Variants in NWD2 observed in about 807,000 individuals in gnomAD.
NWD2 encodes the protein NACHT and WD repeat domain containing 2.
Under a neutral mutation model 132.7 loss-of-function variants are expected in NWD2, and 37 were observed. That is an observed-to-expected ratio of 0.28 (90% CI 0.21 to 0.37). NWD2 has a LOEUF of 0.37. Among genes scored for constraint, NWD2 ranks in the 10% least tolerant of loss-of-function variants. The pLI is 1.00. For synonymous variants in NWD2, 705 were observed against 803.0 expected (o/e 0.88, Z 2.06); for missense variants, 1,592 against 2,122.4 (o/e 0.75, Z 4.91).
chr4:37,407,722 G>T, intron 3 of NWD2, among the ~76,000 whole-genome samples: 1 of 152,232 alleles, frequency 6.6e-6, no homozygotes, highest in Non-Finnish European at 1.5e-5. Flanking sequence ...GTTAAATTAA[G>T]AAATTATCCT....
intron 1 of NWD2, among the ~76,000 whole-genome samples, chr4:37,276,309 G>A (rs1718011773): frequency 6.6e-6 from 1 of 152,144 alleles, no homozygotes; most frequent in Admixed American, 6.5e-5. Flanking sequence ...CTCAAAAGAA[G>A]ACATTTATGC....
chr4:37,426,334 A>G (rs530031077), intron 3 of NWD2, among the ~76,000 whole-genome samples: 1 of 152,342 alleles, frequency 6.6e-6, no homozygotes, highest in South Asian at 2.1e-4. Flanking sequence ...GTAAGGGAGA[A>G]CAATCCAATA....
intron 1 of NWD2, among the ~76,000 whole-genome samples, chr4:37,277,810 G>A (rs1718052648): frequency 6.6e-6 from 1 of 151,930 alleles, no homozygotes; most frequent in African/African-American, 2.4e-5. Context: ...GGTCATTCTA[G>A]TTAACATATT....
At chr4:37,247,217 T>C (rs1717261900) in intron 1 of NWD2, among the ~76,000 whole-genome samples, 1 of 152,196 alleles carries the variant, frequency 6.6e-6, no homozygotes, top group African/African-American at 2.4e-5. Flanking sequence ...AAAAGACAGA[T>C]GGGCATTTTT....
intron 1 of NWD2, among the ~76,000 whole-genome samples, chr4:37,286,239 T>G (rs1289156430): frequency 1.3e-5 from 2 of 152,268 alleles, no homozygotes; most frequent in Non-Finnish European, 2.9e-5. Flanking sequence ...TCATCCTTAC[T>G]TTCTTAGCAC....
chr4:37,437,906 T>A (rs1293085448), intron 5 of NWD2, among the ~76,000 whole-genome samples: 1 of 152,214 alleles, frequency 6.6e-6, no homozygotes, highest in Admixed American at 6.5e-5. Context: ...ATGGATATTA[T>A]AACAGTGACA....
At chr4:37,277,658 C>CA (rs1553890419) in intron 1 of NWD2, among the ~76,000 whole-genome samples, 2 of 151,486 alleles carry the variant, frequency 1.3e-5, no homozygotes, top group Non-Finnish European at 2.9e-5. Flanking sequence ...AAATGGTTTC[C>CA]TTTTTTTTAC....
At chr4:37,289,522 A>G (rs564268755) in intron 1 of NWD2, among the ~76,000 whole-genome samples, 15 of 152,332 alleles carry the variant, frequency 9.8e-5, no homozygotes, top group African/African-American at 3.6e-4. Context: ...CTCTACATTC[A>G]TATTTTATTT....
At chr4:37,352,287 C>T (rs565374674) in intron 2 of NWD2, among the ~76,000 whole-genome samples, 73 of 152,272 alleles carry the variant, frequency 4.8e-4, no homozygotes, top group African/African-American at 1.6e-3. Context: ...ATATTAAAGA[C>T]TCCCGCTATT....
chr4:37,343,602 GA>G (rs2109295822), intron 2 of NWD2, among the ~76,000 whole-genome samples: 1 of 152,264 alleles, frequency 6.6e-6, no homozygotes, highest in Non-Finnish European at 1.5e-5. Flanking sequence ...TTTCAGTGCT[GA>G]ATTTGTTTTC....
At chr4:37,428,691 C>A (rs1470746493) in intron 3 of NWD2, among the ~76,000 whole-genome samples, 2 of 152,224 alleles carry the variant, frequency 1.3e-5, no homozygotes, top group Non-Finnish European at 2.9e-5. Context: ...CAGACACTCT[C>A]AGCAACCTTG....
intron 1 of NWD2, among the ~76,000 whole-genome samples, chr4:37,305,108 T>C (rs1304875323): frequency 2.0e-5 from 3 of 152,370 alleles, no homozygotes; most frequent in Non-Finnish European, 2.9e-5. Context: ...TTGCCAATGC[T>C]TGGGGTTTGC....
rs1718002976 is a variant in NWD2 at position 37,275,959 on chromosome 4, TAAAGAC to T, written c.151+30742_151+30747del. Among the ~76,000 whole-genome samples, 3 of 152,212 alleles carry T rather than the reference TAAAGAC, an allele frequency of 2.0e-5. 1 individual carries two copies. The highest frequency in any genetic ancestry group is 4.4e-5 in the Non-Finnish European group (3 of 68,008). On this transcript the variant is annotated intron_variant, in intron 1 of 6. Coordinates refer to ENST00000309447, the MANE Select transcript of NWD2 (RefSeq NM_001144990.2). ...ATACAAAAATTAATTCAAGATGAAT[TAAAGAC>T]TTAAATGTTAGACCTAAAACCATAA...
At chr4:37,375,021 CT>C (rs1577683250) in intron 3 of NWD2, among the ~76,000 whole-genome samples, 2 of 152,322 alleles carry the variant, frequency 1.3e-5, no homozygotes, top group Admixed American at 6.5e-5. Context: ...CACAGCATAA[CT>C]TCTGAAAATG....
In NWD2 at chr4:37,287,492, G is replaced by A. The variant is rs574846236; in HGVS notation, c.152-38444G>A. Among the ~76,000 whole-genome samples the A allele has an allele frequency of 8.5e-5, 13 of 152,334 alleles. No individual in the cohort carries two copies. The East Asian group carries it at 2.5e-3, about 29-fold the overall frequency. ...GACTGGATGGCTTGGTCCCCAAGAA[G>A]TGTTCCCCACAGCCCAACACAGCTG... On this transcript the variant is annotated intron_variant, in intron 1 of 6. Coordinates refer to ENST00000309447, the MANE Select transcript of NWD2 (RefSeq NM_001144990.2).
intron 3 of NWD2, among the ~76,000 whole-genome samples, chr4:37,429,235 T>C (rs902849548): frequency 6.6e-6 from 1 of 152,250 alleles, no homozygotes; most frequent in Non-Finnish European, 1.5e-5. Context: ...TGTGTATACA[T>C]ATATGCGTGC....
At chr4:37,416,541 G>A (rs1479399084) in intron 3 of NWD2, among the ~76,000 whole-genome samples, 1 of 152,116 alleles carries the variant, frequency 6.6e-6, no homozygotes, top group Non-Finnish European at 1.5e-5. Flanking sequence ...GGAAAACAGT[G>A]TGGAGATTCC....
At chr4:37,285,784 T>C (rs1248385021) in intron 1 of NWD2, among the ~76,000 whole-genome samples, 2 of 152,218 alleles carry the variant, frequency 1.3e-5, no homozygotes, top group African/African-American at 4.8e-5. Flanking sequence ...AGTAACTTGA[T>C]TTTTTAAATC....
chr4:37,247,167 G>A (rs1717260563), intron 1 of NWD2, among the ~76,000 whole-genome samples: 1 of 152,214 alleles, frequency 6.6e-6, no homozygotes, highest in African/African-American at 2.4e-5. Flanking sequence ...CAGGATCTCA[G>A]ATTTTATCCA....
Sources: gnomAD v4.1 joint callset for allele counts (sites outside exome capture counted in the v4.1 genomes callset) on GRCh38, gnomAD v4.1.1 for gene constraint, MANE v1.5 for transcripts, NCBI Gene and HGNC (gene_info 2026-07-23, HGNC 2026-07-21) for gene names.